Variants in ZNF521 observed in about 807,000 individuals in gnomAD.
ZNF521 encodes the protein LYST-interacting protein 3.
Under a neutral mutation model 105.5 loss-of-function variants are expected in ZNF521, and 14 were observed. That is an observed-to-expected ratio of 0.13 (90% CI 0.09 to 0.21). The LOEUF (loss-of-function observed/expected upper bound fraction) is 0.21, where lower values mean the gene tolerates loss of function less well. ZNF521 is among the 10% of genes least tolerant of loss of function. The pLI is 1.00. For synonymous variants in ZNF521, 635 were observed against 606.0 expected (o/e 1.05, Z -0.70); for missense variants, 1,233 against 1,629.7 (o/e 0.76, Z 4.19).
At chr18:25,124,936 T>C (rs1221579795) in intron 5 of ZNF521, among the ~76,000 whole-genome samples, 1 of 152,204 alleles carries the variant, frequency 6.6e-6, no homozygotes, top group Non-Finnish European at 1.5e-5. Context: ...TAGTTTTATA[T>C]TGCTTATGGA....
intron 3 of ZNF521, among the ~76,000 whole-genome samples, chr18:25,275,979 C>A (rs955313838): frequency 1.3e-5 from 2 of 152,138 alleles, no homozygotes; most frequent in Admixed American, 1.3e-4. Context: ...GTTTGGCAAT[C>A]GGCCACCGGC....
chr18:25,337,888 T>C (rs1913978805), intron 2 of ZNF521, among the ~76,000 whole-genome samples: 1 of 152,116 alleles, frequency 6.6e-6, no homozygotes, highest in Non-Finnish European at 1.5e-5. Context: ...CAACAGCCCA[T>C]CATACAATGG....
rs568863675 is a variant in ZNF521 at position 25,337,309 on chromosome 18, A to G, written c.40+13598T>C. ...AGGGAAAGCGCTGACAATACCAAAA[A>G]TAAAAATTTGGAAGTTCTGTATGGC... On this transcript the variant is annotated intron_variant, in intron 2 of 7. Coordinates refer to ENST00000361524, the MANE Select transcript of ZNF521 (RefSeq NM_015461.3). Among the ~76,000 whole-genome samples, 239 of 152,334 alleles carry G rather than the reference A, an allele frequency of 1.6e-3. 2 individuals are homozygous for G. Among genetic ancestry groups the G allele is most frequent in the African/African-American group, 5.2e-3 (217 of 41,584 alleles).
At chr18:25,100,340 C>T (rs1386332939) in intron 5 of ZNF521, among the ~76,000 whole-genome samples, 1 of 152,066 alleles carries the variant, frequency 6.6e-6, no homozygotes, top group Non-Finnish European at 1.5e-5. Context: ...AGATGAGAAA[C>T]TAAGTCAAGC....
Position 25,062,628 on chromosome 18 carries a change from A to C in ZNF521, c.*84T>G, listed in dbSNP as rs1261179808. On this transcript the variant is annotated 3_prime_UTR_variant, in exon 8 of 8. Transcript: ENST00000361524. ...ACAATGTTTCTGAATAATATACATT[A>C]ACAATGAAAGTTTCGTGCAAAGAGT... The C allele has an allele frequency of 2.0e-5, 30 of 1,473,538 alleles. No individual in the cohort carries two copies. The highest frequency in any genetic ancestry group is 2.7e-5 in the Non-Finnish European group (29 of 1,074,632). 91.3% of individuals were successfully genotyped at this position (1,473,538 alleles called of 1,614,324 possible).
In ZNF521 at chr18:25,137,880, C is replaced by T. The variant is rs149962151; in HGVS notation, c.3659-45799G>A. On this transcript the variant is annotated intron_variant, in intron 5 of 7. Transcript: ENST00000361524. ...TAAGGATGCCTAATCCTAAGGCCAC[C>T]GTTCTTTATGCAGCACTGTTTTACT... 1.7e-3 allele frequency among the ~76,000 whole-genome samples: 259 copies of T among 152,258 alleles called. 2 individuals carry two copies. The highest frequency in any genetic ancestry group is 5.7e-3 in the African/African-American group (236 of 41,570).
At position 25,272,773 on chromosome 18, in the gene ZNF521, G is replaced by A. The variant is rs900338963; in HGVS notation, c.221-45076C>T. ...ACCGGGGCCTGTTGTGGGTTGGGGGGTTGGGGAGGGATAGCATTAGGAGAA... is the reference window on the plus strand; with the variant it reads ...ACCGGGGCCTGTTGTGGGTTGGGGGATTGGGGAGGGATAGCATTAGGAGAA... On this transcript the variant is annotated intron_variant, in intron 3 of 7. Coordinates refer to ENST00000361524, the MANE Select transcript of ZNF521 (RefSeq NM_015461.3). Among the ~76,000 whole-genome samples the A allele has an allele frequency of 2.0e-5, 3 of 152,006 alleles. No homozygotes were observed. In the East Asian group the frequency reaches 5.8e-4, roughly 30 times the overall value.
chr18:25,329,110 G>A (rs754083246), intron 2 of ZNF521, among the ~76,000 whole-genome samples: 13 of 152,150 alleles, frequency 8.5e-5, no homozygotes, highest in South Asian at 2.1e-4. Flanking sequence ...GAGATACAAC[G>A]TCTAAATTCC....
At chr18:25,180,406 C>T (rs965359058) in intron 5 of ZNF521, among the ~76,000 whole-genome samples, 3 of 151,698 alleles carry the variant, frequency 2.0e-5, no homozygotes, top group African/African-American at 7.3e-5. Context: ...GAAATAATGT[C>T]AAAAGCAATT....
chr18:25,302,914 C>A (rs1315256432), intron 3 of ZNF521: 4 of 152,180 alleles, frequency 2.6e-5, no homozygotes, highest in Non-Finnish European at 4.4e-5. Flanking sequence ...GTGAGCAATA[C>A]AAAATGTTAC....
chr18:25,242,775 G>C (rs544946039), intron 3 of ZNF521, among the ~76,000 whole-genome samples: 10 of 152,310 alleles, frequency 6.6e-5, no homozygotes, highest in Admixed American at 5.9e-4. Flanking sequence ...GAGAGAGTGG[G>C]AGAGGACAAA....
intron 5 of ZNF521, among the ~76,000 whole-genome samples, chr18:25,118,325 G>C (rs1384019262): frequency 6.6e-6 from 1 of 151,974 alleles, no homozygotes; most frequent in Non-Finnish European, 1.5e-5. Context: ...CCAGATGAAA[G>C]CTTGGGTCTT....
intron 7 of ZNF521, among the ~76,000 whole-genome samples, chr18:25,086,331 C>G (rs1041016659): frequency 6.6e-6 from 1 of 152,022 alleles, no homozygotes; most frequent in Non-Finnish European, 1.5e-5. Context: ...TTTAAAATTA[C>G]ATTAATTCCA....
intron 4 of ZNF521, among the ~76,000 whole-genome samples, chr18:25,218,454 G>A (rs1277028601): frequency 4.2e-5 from 6 of 143,590 alleles, no homozygotes; most frequent in Non-Finnish European, 6.0e-5. Flanking sequence ...AGCCCAGCAT[G>A]GCCAACATAA....
At chr18:25,218,788 TG>T (rs201710370) in intron 4 of ZNF521, among the ~76,000 whole-genome samples, 3,614 of 151,890 alleles carry the variant, frequency 0.024, 146 homozygotes, top group African/African-American at 0.083. Flanking sequence ...GCAGAGGTTG[TG>T]GTGAGCCGAG....
chr18:25,150,081 A>G (rs1321040637), intron 5 of ZNF521, among the ~76,000 whole-genome samples: 1 of 152,208 alleles, frequency 6.6e-6, no homozygotes, highest in African/African-American at 2.4e-5. Flanking sequence ...TAATAACTAA[A>G]TGAGTACAGG....
intron 4 of ZNF521, among the ~76,000 whole-genome samples, chr18:25,212,529 AAAAAAAAAAATATATATATATAT>A (rs1460884476): frequency 4.2e-5 from 5 of 118,744 alleles, no homozygotes; most frequent in African/African-American, 1.9e-4. Flanking sequence ...AAAAAAAAAA[AAAAAAAAAAATATATATATATAT>A]ATATATATAT....
intron 3 of ZNF521, among the ~76,000 whole-genome samples, chr18:25,270,842 A>G (rs998200105): frequency 1.3e-5 from 2 of 152,188 alleles, no homozygotes; most frequent in Non-Finnish European, 2.9e-5. Flanking sequence ...CAAAAACTGG[A>G]AGCATTCCCT....
intron 3 of ZNF521, among the ~76,000 whole-genome samples, chr18:25,300,962 A>G (rs1480292426): frequency 5.9e-5 from 9 of 152,188 alleles, no homozygotes; most frequent in African/African-American, 2.2e-4. Context: ...CCTATGACTT[A>G]TATTTTAATT....
Sources: allele counts gnomAD v4.1 joint callset (sites outside exome capture counted in the v4.1 genomes callset), GRCh38; gene constraint gnomAD v4.1.1; transcripts MANE v1.5; gene names NCBI Gene and HGNC (gene_info 2026-07-23, HGNC 2026-07-21).